DOCK5: variants seen among roughly 807,000 people sequenced by gnomAD.
The protein encoded by DOCK5 is dedicator of cytokinesis 5, also known as dedicator of cytokinesis protein 5.
In DOCK5, 142 loss-of-function variants were observed where a neutral mutation model predicts 251.8. The ratio of observed to expected loss-of-function variants is 0.56; its 90% CI spans 0.49 to 0.65. The LOEUF (loss-of-function observed/expected upper bound fraction) is 0.65. DOCK5 is among the 30% of genes least tolerant of loss of function. DOCK5 has a pLI of 0.00. For synonymous variants in DOCK5, 842 were observed against 835.5 expected (o/e 1.01, Z -0.13); for missense variants, 2,111 against 2,312.3 (o/e 0.91, Z 1.79).
At chr8:25,390,690 G>T (rs1452127977) in intron 42 of DOCK5, among the ~76,000 whole-genome samples, 2 of 152,178 alleles carry the variant, frequency 1.3e-5, no homozygotes, top group Non-Finnish European at 2.9e-5. Flanking sequence ...GGAGTGGCTG[G>T]TCCCCAGTGA....
intron 18 of DOCK5, among the ~76,000 whole-genome samples, chr8:25,327,622 T>A (rs1317846036): frequency 6.6e-6 from 1 of 152,220 alleles, no homozygotes; most frequent in African/African-American, 2.4e-5. Context: ...CTTCGTTTGC[T>A]GATACATCTA....
chr8:25,313,491 C>T (rs1319077909), intron 13 of DOCK5, among the ~76,000 whole-genome samples: 1 of 152,190 alleles, frequency 6.6e-6, no homozygotes, highest in Admixed American at 6.5e-5. Context: ...GCTAGAACCC[C>T]TTTGCCACCT....
At chr8:25,395,473 G>A in intron 44 of DOCK5, 70 bp from the exon 45 acceptor site, 1 of 1,523,794 alleles carries the variant, frequency 6.6e-7, no homozygotes. Flanking sequence ...CAAGGGAAGA[G>A]TTAAACTTTT....
chr8:25,378,916 G>A (rs564286355), intron 38 of DOCK5, among the ~76,000 whole-genome samples: 142 of 152,276 alleles, frequency 9.3e-4, no homozygotes, highest in South Asian at 1.7e-3. Context: ...TGCCGGGGGC[G>A]ACATCACATA....
chr8:25,323,016 C>T (rs1805466626), intron 16 of DOCK5, among the ~76,000 whole-genome samples: 1 of 152,184 alleles, frequency 6.6e-6, no homozygotes, highest in Non-Finnish European at 1.5e-5. Context: ...ATGACTACTC[C>T]ACCACTGTGG....
intron 4 of DOCK5, among the ~76,000 whole-genome samples, 161 bp from the exon 5 acceptor site, chr8:25,278,408 T>C (rs1804103863): frequency 6.6e-6 from 1 of 152,098 alleles, no homozygotes; most frequent in Non-Finnish European, 1.5e-5. Context: ...CTCCTTCTCT[T>C]CTCCCAGATG....
chr8:25,363,757 A>G (rs1800729367), intron 29 of DOCK5, among the ~76,000 whole-genome samples: 1 of 152,216 alleles, frequency 6.6e-6, no homozygotes, highest in South Asian at 2.1e-4. Context: ...GCCTCTGCCC[A>G]GTCCCTGAAC....
chr8:25,360,492 G>A (rs1341818290), intron 28 of DOCK5, among the ~76,000 whole-genome samples: 3 of 152,120 alleles, frequency 2.0e-5, no homozygotes, highest in African/African-American at 4.8e-5. Context: ...GTGGTGTAGC[G>A]GGTAAGAGCA....
chr8:25,283,357 G>T (rs200287539), intron 5 of DOCK5, among the ~76,000 whole-genome samples: 2 of 152,092 alleles, frequency 1.3e-5, no homozygotes, highest in African/African-American at 4.8e-5. Context: ...TATCCTGTGC[G>T]GGTCCTGTTC....
At chr8:25,296,932 C>CAT (rs1399142622) in intron 7 of DOCK5, among the ~76,000 whole-genome samples, 2 of 151,992 alleles carry the variant, frequency 1.3e-5, no homozygotes, top group African/African-American at 4.8e-5. Context: ...TCTATGCTTG[C>CAT]ATATACATAG....
intron 1 of DOCK5, among the ~76,000 whole-genome samples, chr8:25,235,972 A>G (rs1423253934): frequency 1.3e-5 from 2 of 151,582 alleles, no homozygotes; most frequent in Non-Finnish European, 2.9e-5. Flanking sequence ...TAATTTTTAT[A>G]TTTTTAGTAG....
At chr8:25,380,900 G>GCCCAGTGGAGGCAGCACCATTCCA (rs1801054113) in intron 39 of DOCK5, among the ~76,000 whole-genome samples, 1 of 148,466 alleles carries the variant, frequency 6.7e-6, no homozygotes, top group Non-Finnish European at 1.5e-5. Flanking sequence ...GCACCATTCC[G>GCCCAGTGGAGGCAGCACCATTCCA]AATGCCCAGT....
At chr8:25,208,495 C>G (rs1802054704) in intron 1 of DOCK5, among the ~76,000 whole-genome samples, 1 of 152,202 alleles carries the variant, frequency 6.6e-6, no homozygotes. Context: ...AACTGCCACC[C>G]TGATCCATGA....
intron 28 of DOCK5, 100 bp downstream of exon 28, chr8:25,359,161 A>G (rs1217572772): frequency 2.0e-6 from 2 of 989,528 alleles, no homozygotes; most frequent in East Asian, 2.4e-5. Flanking sequence ...TTCTCTTCCC[A>G]CGCACCTCCG....
At chr8:25,309,487 T>C (rs1805033217) in intron 12 of DOCK5, among the ~76,000 whole-genome samples, 1 of 152,168 alleles carries the variant, frequency 6.6e-6, no homozygotes, top group South Asian at 2.1e-4. Context: ...CTGGCCTCCA[T>C]GTTTTTGCCT....
intron 44 of DOCK5, among the ~76,000 whole-genome samples, chr8:25,394,230 GA>G (rs987077365): frequency 1.3e-5 from 2 of 150,226 alleles, no homozygotes; most frequent in Admixed American, 6.6e-5. Context: ...GTCTCTAAAA[GA>G]AAAAAAAATT....
chr8:25,286,167 C>T (rs1160984321), intron 5 of DOCK5, among the ~76,000 whole-genome samples: 5 of 152,178 alleles, frequency 3.3e-5, no homozygotes, highest in African/African-American at 1.2e-4. Context: ...AGCTCAAGAA[C>T]ACAGAAGGAC....
At chr8:25,299,165 T>C in intron 8 of DOCK5, 64 bp downstream of exon 8, 2 of 1,544,542 alleles carry the variant, frequency 1.3e-6, no homozygotes, top group Non-Finnish European at 8.7e-7. Context: ...CCCTGACCCC[T>C]ACCCGGGCAG....
chr8:25,258,740 CT>C (rs1803489053), intron 2 of DOCK5, among the ~76,000 whole-genome samples: 1 of 152,200 alleles, frequency 6.6e-6, no homozygotes, highest in South Asian at 2.1e-4. Flanking sequence ...ACCTGTCTTT[CT>C]CATTGCTATA....
Sources: gnomAD v4.1 joint callset for allele counts (sites outside exome capture counted in the v4.1 genomes callset) on GRCh38, gnomAD v4.1.1 for gene constraint, MANE v1.5 for transcripts, NCBI Gene and HGNC (gene_info 2026-07-23, HGNC 2026-07-21) for gene names.